Variants in SLC25A10 observed in about 807,000 individuals in gnomAD.
SLC25A10 encodes solute carrier family 25 member 10, also known as mitochondrial dicarboxylate carrier.
In SLC25A10, 32 loss-of-function variants were observed where a neutral mutation model predicts 40.4. The ratio of observed to expected loss-of-function variants is 0.79; its 90% CI spans 0.60 to 1.06. The LOEUF (loss-of-function observed/expected upper bound fraction) is 1.06, where lower values mean the gene tolerates loss of function less well. SLC25A10 is among the 50% of genes least tolerant of loss of function. The pLI is 0.00. For missense variants in SLC25A10, 394 were observed against 402.6 expected (o/e 0.98, Z 0.18); for synonymous variants, 181 against 171.1 (o/e 1.06, Z -0.45).
intron 8 of SLC25A10, 33 bp from the exon 9 acceptor site, chr17:81,717,751 T>G (rs753171884): frequency 1.9e-6 from 3 of 1,601,134 alleles, no homozygotes; most frequent in Non-Finnish European, 2.6e-6. Flanking sequence ...CTGGCGTACC[T>G]GACAGGCCGC....
chr17:81,720,578 T>C lies in SLC25A10; in HGVS notation c.*501T>C. The C allele has an allele frequency of 8.3e-7, 1 of 1,208,812 alleles. No homozygotes were observed. Among genetic ancestry groups the C allele is most frequent in the Non-Finnish European group, 1.0e-6 (1 of 959,264 alleles). 74.9% of individuals were successfully genotyped at this position (1,208,812 alleles called of 1,614,324 possible). A position where few individuals can be genotyped will look rare whatever the true frequency, so the allele number is the denominator to read the frequency against. ...TTCCATGTCCTCGGGCAGCTGCAAC[T>C]CCCCGCGAGACCCCGCAGCTGGGTG... On this transcript the variant is annotated 3_prime_UTR_variant, in exon 11 of 11. Transcript: ENST00000350690.
rs1050185510 is a variant in SLC25A10 at position 81,716,043 on chromosome 17, C to T, written c.412C>T (p.Arg138Trp). ...QNDVKLPQGQ[R>W]RNYAHALDGL... ...CGACGTGAAGCTGCCCCAGGGTCAGCGGCGCAAGTGAGTCATGGGCGGCCT... is the reference window on the plus strand; with the variant it reads ...CGACGTGAAGCTGCCCCAGGGTCAGTGGCGCAAGTGAGTCATGGGCGGCCT... Residue 138 changes from arginine to tryptophan, a missense_variant, in exon 5 of 11, where the codon CGG becomes TGG. Physicochemically the swap from Arg to Trp is moderately radical, Grantham distance 101 (BLOSUM62 -3). Transcript: ENST00000350690. The T allele has an allele frequency of 4.4e-6, 7 of 1,597,574 alleles. No homozygotes were observed. The highest frequency in any genetic ancestry group is 2.3e-5 in the East Asian group (1 of 44,276).
intron 9 of SLC25A10, 93 bp from the exon 10 acceptor site, chr17:81,719,737 AG>A: frequency 6.8e-7 from 1 of 1,480,568 alleles, no homozygotes; most frequent in South Asian, 1.1e-5. Flanking sequence ...GAGAATGCCC[AG>A]GCCACCGTGC....
At chr17:81,719,783 T>G (rs2037554747) in intron 9 of SLC25A10, 48 bp from the exon 10 acceptor site, 2 of 1,608,550 alleles carry the variant, frequency 1.2e-6, no homozygotes, top group Non-Finnish European at 1.7e-6. Flanking sequence ...TTCGTTGCCT[T>G]TTGGGTGAGA....
intron 9 of SLC25A10, 141 bp from the exon 10 acceptor site, chr17:81,719,690 G>A (rs1244810221): frequency 7.1e-6 from 7 of 984,254 alleles, no homozygotes; most frequent in East Asian, 4.8e-5. Context: ...GCCAGCAGCC[G>A]CCGCTCACAC....
chr17:81,719,707 C>T, intron 9 of SLC25A10, 124 bp from the exon 10 acceptor site: 2 of 1,188,012 alleles, frequency 1.7e-6, no homozygotes, highest in East Asian at 2.3e-5. Flanking sequence ...ACACCCACAC[C>T]CACACCCACA....
Position 81,717,405 on chromosome 17 carries a change from T to C in SLC25A10, c.541T>C (p.Cys181Arg). Reference protein sequence around the residue: ...GALVTVGQLSCYDQAKQLVLS... With the variant: ...GALVTVGQLSRYDQAKQLVLS... Reference sequence around the variant, plus strand: ...CGCCCTTGTGCCCCTGCAGCTGTCCTGCTACGACCAGGCCAAGCAGCTGGT... The same window carrying C: ...CGCCCTTGTGCCCCTGCAGCTGTCCCGCTACGACCAGGCCAAGCAGCTGGT... The change falls in exon 8 of 11, where the codon TGC becomes CGC. Residue 181 changes from cysteine to arginine, a missense_variant. Cys to Arg is a radical substitution (Grantham distance 180, BLOSUM62 -3). Transcript: ENST00000350690. 1 of 1,613,420 alleles carries C rather than the reference T, an allele frequency of 6.2e-7. No homozygotes were observed. The highest frequency in any genetic ancestry group is 8.5e-7 in the Non-Finnish European group (1 of 1,179,912).
At chr17:81,713,966 A>G (rs1379582988) in intron 1 of SLC25A10, among the ~76,000 whole-genome samples, 1 of 152,202 alleles carries the variant, frequency 6.6e-6, no homozygotes, top group Non-Finnish European at 1.5e-5. Context: ...GGCCGTCGGA[A>G]AGATCTTTTA....
rs571615375 is a variant in SLC25A10, at chr17:81,715,414, C to T, written c.214-64C>T. ...GGCTGAGGGGGATCCCTGGCTGGGC[C>T]GGGTGGCGAGGCTGAGGGGTGTGGG... On this transcript the variant is annotated intron_variant, in intron 2 of 10. Coordinates refer to ENST00000350690, the MANE Select transcript of SLC25A10 (RefSeq NM_012140.5). 91 of 1,406,520 alleles carry T rather than the reference C, an allele frequency of 6.5e-5. No homozygotes were observed. The African/African-American group carries it at 8.3e-4, about 13-fold the overall frequency. 87.1% of individuals were successfully genotyped at this position (1,406,520 alleles called of 1,614,324 possible). A position where few individuals can be genotyped will look rare whatever the true frequency, so the allele number is the denominator to read the frequency against.
Position 81,716,794 on chromosome 17 carries a change from A to T in SLC25A10, c.420-18A>T. 1.2e-6 allele frequency: 2 copies of T among 1,602,708 alleles called. No homozygotes were observed. The highest frequency in any genetic ancestry group is 1.7e-6 in the Non-Finnish European group (2 of 1,175,144). On this transcript the variant is annotated intron_variant, in intron 5 of 10. Transcript: ENST00000350690. Reference sequence around the variant, plus strand: ...TGGTCAGGGGGAGTCTCATGTGGTCATTCTGTGTCCCCGGCAGCTACGCCC... The same window carrying T: ...TGGTCAGGGGGAGTCTCATGTGGTCTTTCTGTGTCCCCGGCAGCTACGCCC...
chr17:81,713,272 G>C (rs1445722540), intron 1 of SLC25A10: 1 of 160,336 alleles, frequency 6.2e-6, no homozygotes, highest in East Asian at 1.9e-4. Context: ...GGACAGCCAA[G>C]GGGCGTTGTT....
chr17:81,720,777 G>A lies in SLC25A10; in HGVS notation c.*700G>A, dbSNP rs1175721342. 6.2e-6 allele frequency: 2 copies of A among 322,222 alleles called. No homozygotes were observed. The highest frequency in any genetic ancestry group is 1.1e-5 in the Non-Finnish European group (2 of 177,006). 20.0% of individuals were successfully genotyped at this position (322,222 alleles called of 1,614,324 possible). ...AAAGCCTCTCCACTCACCAGCAGGC[G>A]GTCTCTGTCTTCAGGGATTGTGCCT... On this transcript the variant is annotated 3_prime_UTR_variant, in exon 11 of 11. Transcript: ENST00000350690.
chr17:81,720,388 G>A lies in SLC25A10; in HGVS notation c.*311G>A, dbSNP rs1022483200. On this transcript the variant is annotated 3_prime_UTR_variant, in exon 11 of 11. Transcript: ENST00000350690. ...CAGAGGCTGATTTCTCCCCTCTCCT[G>A]GGCCAGGGGAGGGGTATTATCCCTG... 3 of 1,404,298 alleles carry A rather than the reference G, an allele frequency of 2.1e-6. No individual in the cohort carries two copies. The highest frequency in any genetic ancestry group is 2.9e-5 in the African/African-American group (2 of 69,084). 87.0% of individuals were successfully genotyped at this position (1,404,298 alleles called of 1,614,324 possible).
At position 81,716,809 on chromosome 17, in the gene SLC25A10, C is replaced by T. The variant is rs781018156; in HGVS notation, c.420-3C>T. 1.6e-5 allele frequency: 25 copies of T among 1,606,492 alleles called. 1 individual carries two copies. In the South Asian group the frequency reaches 2.6e-4, roughly 17 times the overall value. On this transcript the variant is annotated splice_region_variant and splice_polypyrimidine_tract_variant and intron_variant, in intron 5 of 10. Transcript: ENST00000350690. ...TCATGTGGTCATTCTGTGTCCCCGG[C>T]AGCTACGCCCATGCGCTGGATGGCC...
chr17:81,717,939 C>A, intron 9 of SLC25A10, 78 bp downstream of exon 9: 1 of 1,087,914 alleles, frequency 9.2e-7, no homozygotes, highest in Non-Finnish European at 1.4e-6. Flanking sequence ...TGGACACTCG[C>A]ACTGGGGACC....
intron 2 of SLC25A10, 93 bp downstream of exon 2, chr17:81,715,165 G>T (rs1268112784): frequency 1.3e-6 from 2 of 1,526,530 alleles, no homozygotes; most frequent in Non-Finnish European, 1.8e-6. Flanking sequence ...AAGACTTTGT[G>T]CAAGGAAGGA....
At chr17:81,712,589 G>A (rs1174035066) in intron 1 of SLC25A10, 70 bp downstream of exon 1, 2 of 1,102,360 alleles carry the variant, frequency 1.8e-6, no homozygotes, top group African/African-American at 1.6e-5. Context: ...AAAGGCAGCA[G>A]CCCGGCCCCA....
intron 1 of SLC25A10, among the ~76,000 whole-genome samples, chr17:81,712,902 C>G (rs1221573071): frequency 6.6e-6 from 1 of 152,236 alleles, no homozygotes; most frequent in Non-Finnish European, 1.5e-5. Context: ...GGGGGGAGTT[C>G]TGTGAGGTGC....
At chr17:81,717,733 G>C (rs901891619) in intron 8 of SLC25A10, 51 bp from the exon 9 acceptor site, 1 of 1,585,050 alleles carries the variant, frequency 6.3e-7, no homozygotes, top group Non-Finnish European at 8.6e-7. Flanking sequence ...GGGATTCGGC[G>C]ATGGTGCCTG....
Sources: gnomAD v4.1 joint callset for allele counts (sites outside exome capture counted in the v4.1 genomes callset) on GRCh38, gnomAD v4.1.1 for gene constraint, MANE v1.5 for transcripts, NCBI Gene and HGNC (gene_info 2026-07-23, HGNC 2026-07-21) for gene names.